GREB1: variants seen among roughly 807,000 people sequenced by gnomAD.
The protein encoded by GREB1 is growth regulating estrogen receptor binding 1, also known as protein GREB1.
GREB1 carries 106 observed loss-of-function variants against 200.7 expected under a neutral mutation model. The observed-to-expected ratio is 0.53, with a 90% confidence interval of 0.45 to 0.62. The LOEUF (loss-of-function observed/expected upper bound fraction) is 0.62, where lower values mean the gene tolerates loss of function less well. Among genes scored for constraint, GREB1 ranks in the 20% least tolerant of loss-of-function variants. The pLI, the probability that GREB1 is intolerant of heterozygous loss-of-function variation, is 0.00. For missense variants in GREB1, 2,243 were observed against 2,556.8 expected (o/e 0.88, Z 2.65); for synonymous variants, 1,132 against 1,092.4 (o/e 1.04, Z -0.72).
chr2:11,589,055 T>C (rs1023512529), intron 10 of GREB1, 124 bp downstream of exon 10: 1 of 712,868 alleles, frequency 1.4e-6, no homozygotes, highest in African/African-American at 1.7e-5. Context: ...GGAGAGCTTA[T>C]GGCTTCACTG....
chr2:11,523,544 G>A (rs759991332), intron 1 of GREB1, among the ~76,000 whole-genome samples: 10 of 152,222 alleles, frequency 6.6e-5, no homozygotes, highest in East Asian at 1.9e-4. Flanking sequence ...TTCCTTGGAC[G>A]CAGTAAATGG....
rs762083966 is a variant in GREB1 at position 11,610,817 on chromosome 2, G to A, written c.2796G>A (p.Thr932=). 44 of 1,613,362 alleles carry A rather than the reference G, an allele frequency of 2.7e-5. No homozygotes were observed. The highest frequency in any genetic ancestry group is 8.8e-5 in the South Asian group (8 of 91,094). ...CGTCGGTGGAGACGCTGGAGATCAC[G>A]CAGAACCTCCTCAACTCCCCGAAGC... is the stretch of plus-strand genomic sequence containing the variant. ...NYTSVETLEI[T]QNLLNSPKQC... The change falls in exon 18 of 33, where the codon ACG becomes ACA. Residue 932 remains threonine (T), a synonymous_variant. Coordinates refer to ENST00000381486, the MANE Select transcript of GREB1 (RefSeq NM_014668.4).
chr2:11,625,450 C>A (rs1472861449), intron 24 of GREB1, 138 bp downstream of exon 24: 1 of 764,444 alleles, frequency 1.3e-6, no homozygotes. Flanking sequence ...CTGAGGTCAC[C>A]ACCTCCCTGT....
chr2:11,529,224 A>G (rs901233008), upstream of GREB1, among the ~76,000 whole-genome samples: 1 of 152,246 alleles, frequency 6.6e-6, no homozygotes, highest in East Asian at 1.9e-4. Flanking sequence ...GGCAGGGATG[A>G]AAACTAATTA....
chr2:11,538,583 A>G (rs1430427916), intron 1 of GREB1, among the ~76,000 whole-genome samples: 1 of 151,894 alleles, frequency 6.6e-6, no homozygotes, highest in Non-Finnish European at 1.5e-5. Context: ...ACAGGGATGT[A>G]AAGAGAGCTC....
chr2:11,632,192 T>A, intron 27 of GREB1, 79 bp downstream of exon 27: 1 of 1,025,472 alleles, frequency 9.8e-7, no homozygotes, highest in Non-Finnish European at 1.5e-6. Flanking sequence ...AGACAAAAGT[T>A]AAACATGTGA....
intron 6 of GREB1, among the ~76,000 whole-genome samples, chr2:11,578,839 T>C (rs1679167173): frequency 1.3e-5 from 2 of 152,238 alleles, no homozygotes; most frequent in Non-Finnish European, 2.9e-5. Flanking sequence ...ATGAATGCCT[T>C]GAAGTCCAAC....
intron 1 of GREB1, among the ~76,000 whole-genome samples, chr2:11,556,129 C>G (rs917843049): frequency 1.3e-5 from 2 of 152,252 alleles, no homozygotes; most frequent in Middle Eastern, 3.4e-3. Flanking sequence ...GGTGGGAGAC[C>G]TGCTAGCCTA....
chr2:11,525,039 T>G (rs921191234), intron 1 of GREB1, among the ~76,000 whole-genome samples: 2 of 152,202 alleles, frequency 1.3e-5, no homozygotes, highest in African/African-American at 4.8e-5. Flanking sequence ...GCTTTGATCT[T>G]GAAGTCATTG....
rs746148335 is a variant in GREB1, at chr2:11,634,365, T to C, written c.5210+16T>C. On this transcript the variant is annotated intron_variant, in intron 29 of 32. Transcript: ENST00000381486. ...ACCAGAACCGGTGAGCTCCTGCACCTGGGGCAGAGGCGGCGGCAGCCCTGG... is the reference window on the plus strand; with the variant it reads ...ACCAGAACCGGTGAGCTCCTGCACCCGGGGCAGAGGCGGCGGCAGCCCTGG... The C allele has an allele frequency of 1.4e-5, 23 of 1,602,146 alleles. No individual in the cohort carries two copies. In the South Asian group the frequency reaches 1.4e-4, roughly 10 times the overall value.
At chr2:11,636,214 C>T (rs1225543686) in intron 30 of GREB1, among the ~76,000 whole-genome samples, 1 of 152,180 alleles carries the variant, frequency 6.6e-6, no homozygotes, top group Non-Finnish European at 1.5e-5. Context: ...ATAAAGGCCC[C>T]CACTTACAGC....
At position 11,502,681 on chromosome 2, in the gene GREB1, T is replaced by A. The variant is rs138408166; in HGVS notation, c.-159+20300T>A. Among the ~76,000 whole-genome samples, 919 of 152,326 alleles carry A rather than the reference T, an allele frequency of 6.0e-3. 9 individuals carry two copies. Among genetic ancestry groups the A allele is most frequent in the African/African-American group, 0.021 (884 of 41,572 alleles). On this transcript the variant is annotated intron_variant, in intron 1 of 2. Transcript: ENST00000628795. ...AAGGAGGAAGATAAACTTTTATCTT[T>A]ATTATCTATTTATATACAAATATGA...
At chr2:11,594,678 T>G (rs1681043236) in intron 11 of GREB1, among the ~76,000 whole-genome samples, 1 of 110,882 alleles carries the variant, frequency 9.0e-6, no homozygotes, top group African/African-American at 5.0e-5. Context: ...CTTAAACCCA[T>G]TCTGTGTTTT....
chr2:11,590,831 A>G (rs1317238779), intron 10 of GREB1, among the ~76,000 whole-genome samples: 2 of 152,178 alleles, frequency 1.3e-5, no homozygotes, highest in Non-Finnish European at 2.9e-5. Flanking sequence ...GTGAATGTTG[A>G]TAAGAAGCAG....
chr2:11,553,009 CAAA>C (rs370234359), intron 1 of GREB1, among the ~76,000 whole-genome samples: 3 of 80,888 alleles, frequency 3.7e-5, no homozygotes. Context: ...AACTCCGTCT[CAAA>C]AAAAAAAAAA....
chr2:11,600,966 G>A lies in GREB1; in HGVS notation c.2500G>A (p.Glu834Lys). 3.1e-6 allele frequency: 5 copies of A among 1,613,190 alleles called. No individual in the cohort carries two copies. The highest frequency in any genetic ancestry group is 4.2e-6 in the Non-Finnish European group (5 of 1,179,258). The change falls in exon 16 of 33, where the codon GAG (glutamate) becomes AAG (lysine). Residue 834 changes from glutamate (E) to lysine (K), a missense_variant. Glu to Lys is a moderately conservative substitution (Grantham distance 56, BLOSUM62 1). This residue lies in a region of GREB1 where 1,178 missense variants were observed against 1,387.4 expected (regional missense o/e 0.85). Coordinates refer to ENST00000381486, the MANE Select transcript of GREB1 (RefSeq NM_014668.4). ...TQHTLISPYNEIHWPASCSNG... is the reference protein window; with the variant it reads ...TQHTLISPYNKIHWPASCSNG... ...GCACACCCTCATCAGCCCCTACAAC[G>A]AGATCCACTGGCCTGCCTCCTGCAG... is the stretch of plus-strand genomic sequence containing the variant.
intron 18 of GREB1, 45 bp downstream of exon 18, chr2:11,611,072 G>C: frequency 6.9e-7 from 1 of 1,457,674 alleles, no homozygotes; most frequent in South Asian, 1.4e-5. Context: ...GGGGGTACCT[G>C]GGAGAGCTGA....
intron 1 of GREB1, among the ~76,000 whole-genome samples, chr2:11,516,340 G>GTGTGTC: frequency 6.6e-6 from 1 of 151,748 alleles, no homozygotes. Context: ...GTGTGTGTGT[G>GTGTGTC]TGTGTGTGCA....
intron 2 of GREB1, among the ~76,000 whole-genome samples, chr2:11,557,695 G>A (rs1278566736): frequency 6.6e-6 from 1 of 152,198 alleles, no homozygotes; most frequent in East Asian, 1.9e-4. Context: ...AGGCATTTCT[G>A]TGTCATTGTT....
Sources: allele counts gnomAD v4.1 joint callset (sites outside exome capture counted in the v4.1 genomes callset), GRCh38; gene constraint gnomAD v4.1.1; regional missense constraint gnomAD v4.1.1; transcripts MANE v1.5; gene names NCBI Gene and HGNC (gene_info 2026-07-23, HGNC 2026-07-21).